The following LIPI variants were observed in gnomAD, a reference collection of about 807,000 sequenced individuals.
LIPI encodes the protein lipase I.
In LIPI, 59 loss-of-function variants were observed where a neutral mutation model predicts 50.6. That is an observed-to-expected ratio of 1.16 (90% CI 0.94 to 1.45). The LOEUF (loss-of-function observed/expected upper bound fraction) is 1.45. LIPI is among the 40% of genes most tolerant of loss of function. The pLI, the probability that LIPI is intolerant of heterozygous loss-of-function variation, is 0.00. For missense variants in LIPI, 586 were observed against 536.3 expected (o/e 1.09, Z -0.92); for synonymous variants, 203 against 178.2 (o/e 1.14, Z -1.11).
At chr21:14,189,477 C>T (rs1015061767) in intron 1 of LIPI, 58 bp from the exon 2 acceptor site, 8 of 1,481,430 alleles carry the variant, frequency 5.4e-6, no homozygotes, top group African/African-American at 4.2e-5. Flanking sequence ...ATTCCTGTTG[C>T]TATTGCAAAG....
intron 8 of LIPI, among the ~76,000 whole-genome samples, chr21:14,150,011 T>G (rs1056089207): frequency 6.6e-6 from 1 of 152,210 alleles, no homozygotes; most frequent in Admixed American, 6.5e-5. Flanking sequence ...GTGGGAACTC[T>G]GTATAGGGCT....
At chr21:14,166,160 C>G (rs2018675347) in intron 5 of LIPI, among the ~76,000 whole-genome samples, 1 of 152,086 alleles carries the variant, frequency 6.6e-6, no homozygotes, top group African/African-American at 2.4e-5. Flanking sequence ...AGGTCTCATC[C>G]ATGACCTAAT....
intron 9 of LIPI, among the ~76,000 whole-genome samples, chr21:14,130,331 CTCTG>C (rs1228141288): frequency 1.3e-5 from 2 of 152,134 alleles, no homozygotes; most frequent in South Asian, 2.1e-4. Flanking sequence ...CAGTGCAAGA[CTCTG>C]TCTAAGAGAG....
intron 3 of LIPI, among the ~76,000 whole-genome samples, chr21:14,183,007 G>A (rs560494450): frequency 3.1e-4 from 47 of 152,060 alleles, no homozygotes; most frequent in Admixed American, 1.2e-3. Context: ...AAAAGAGCCC[G>A]CATCGCCAAG....
chr21:14,162,972 C>T (rs950639637), intron 7 of LIPI, among the ~76,000 whole-genome samples: 3 of 151,496 alleles, frequency 2.0e-5, no homozygotes, highest in Non-Finnish European at 3.0e-5. Context: ...ATTCTCTCTT[C>T]TTCTACAAGT....
At chr21:14,169,962 G>A (rs372029187) in intron 4 of LIPI, among the ~76,000 whole-genome samples, 44 of 151,984 alleles carry the variant, frequency 2.9e-4, no homozygotes, top group African/African-American at 5.1e-4. Flanking sequence ...TTGATAGACC[G>A]CTAGCAAGAC....
intron 8 of LIPI, among the ~76,000 whole-genome samples, chr21:14,149,543 G>A (rs1253750702): frequency 1.3e-5 from 2 of 152,038 alleles, no homozygotes; most frequent in African/African-American, 2.4e-5. Context: ...AAAAGTCCAA[G>A]TCCAAAGTCT....
intron 1 of LIPI, among the ~76,000 whole-genome samples, chr21:14,203,165 A>T (rs2020118699): frequency 6.6e-6 from 1 of 152,190 alleles, no homozygotes; most frequent in African/African-American, 2.4e-5. Flanking sequence ...AATGGTGATC[A>T]TTAAAAAGTC....
At chr21:14,205,231 T>C (rs2020192121) in intron 1 of LIPI, among the ~76,000 whole-genome samples, 2 of 151,960 alleles carry the variant, frequency 1.3e-5, no homozygotes, top group South Asian at 2.1e-4. Context: ...TCAATGTATA[T>C]TGCAACATTT....
intron 3 of LIPI, among the ~76,000 whole-genome samples, chr21:14,183,115 A>T (rs2019331225): frequency 6.6e-6 from 1 of 152,232 alleles, no homozygotes; most frequent in African/African-American, 2.4e-5. Context: ...TGGTACTGGT[A>T]CCAAAACAGA....
At chr21:14,140,071 A>C (rs2017648807) in intron 9 of LIPI, among the ~76,000 whole-genome samples, 1 of 152,100 alleles carries the variant, frequency 6.6e-6, no homozygotes, top group South Asian at 2.1e-4. Flanking sequence ...GTGTGACATA[A>C]CCCACTTTTA....
intron 1 of LIPI, among the ~76,000 whole-genome samples, chr21:14,197,953 G>T (rs1360837912): frequency 6.6e-6 from 1 of 152,102 alleles, no homozygotes; most frequent in East Asian, 1.9e-4. Flanking sequence ...AGAACAGATT[G>T]GGAGCCAATG....
At chr21:14,200,730 T>C (rs1240481910) in intron 1 of LIPI, among the ~76,000 whole-genome samples, 1 of 151,660 alleles carries the variant, frequency 6.6e-6, no homozygotes, top group East Asian at 1.9e-4. Flanking sequence ...TAAACTACCA[T>C]TGAGAGTATT....
chr21:14,195,969 A>G (rs2019828592), intron 1 of LIPI, among the ~76,000 whole-genome samples: 1 of 152,182 alleles, frequency 6.6e-6, no homozygotes, highest in African/African-American at 2.4e-5. Flanking sequence ...AAAGCAACTG[A>G]AACCCTTGAA....
chr21:14,142,175 C>A (rs773487521), intron 9 of LIPI, among the ~76,000 whole-genome samples: 1 of 151,742 alleles, frequency 6.6e-6, no homozygotes, highest in Non-Finnish European at 1.5e-5. Flanking sequence ...GGTTGGGGGA[C>A]TAGGGGAGGG....
chr21:14,156,945 A>G (rs1409332034), intron 7 of LIPI, among the ~76,000 whole-genome samples: 3 of 151,924 alleles, frequency 2.0e-5, no homozygotes, highest in African/African-American at 7.2e-5. Context: ...CTCAAACGGA[A>G]ATTAGAAATA....
chr21:14,206,850 T>C, intron 1 of LIPI: 1 of 1,612,316 alleles, frequency 6.2e-7, no homozygotes, highest in South Asian at 1.1e-5. Context: ...CCACAGGACA[T>C]TTCTGGGTGA....
chr21:14,168,146 A>G (rs1393807747), intron 4 of LIPI, among the ~76,000 whole-genome samples: 2 of 152,206 alleles, frequency 1.3e-5, no homozygotes, highest in African/African-American at 4.8e-5. Context: ...GAATGAAGCA[A>G]GAAGGGAAGT....
intron 1 of LIPI, among the ~76,000 whole-genome samples, chr21:14,204,929 C>T (rs2020183009): frequency 6.6e-6 from 1 of 151,342 alleles, no homozygotes; most frequent in South Asian, 2.1e-4. Flanking sequence ...AACATCTGTA[C>T]ATAAAGAAAC....
Sources: gnomAD v4.1 joint callset for allele counts (sites outside exome capture counted in the v4.1 genomes callset) on GRCh38, gnomAD v4.1.1 for gene constraint, MANE v1.5 for transcripts, NCBI Gene and HGNC (gene_info 2026-07-23, HGNC 2026-07-21) for gene names.